The following UBE2E2 variants were observed in gnomAD, a reference collection of about 807,000 sequenced individuals.
UBE2E2 encodes ubiquitin-conjugating enzyme E2 E2.
UBE2E2 carries 6 observed loss-of-function variants against 24.7 expected under a neutral mutation model. The observed-to-expected ratio is 0.24, with a 90% CI of 0.13 to 0.48. The LOEUF (loss-of-function observed/expected upper bound fraction) is 0.48, where lower values mean the gene tolerates loss of function less well. Ranked by LOEUF, UBE2E2 falls within the 20% of genes least tolerant of loss-of-function variation. The probability of loss-of-function intolerance (pLI) is 0.99; values close to 1 mark genes in which losing one functional copy is unlikely to be tolerated. For missense variants in UBE2E2, 169 were observed against 245.0 expected (o/e 0.69, Z 2.07); for synonymous variants, 104 against 83.6 (o/e 1.24, Z -1.33).
intron 3 of UBE2E2, among the ~76,000 whole-genome samples, chr3:23,301,949 A>T (rs1699108230): frequency 6.9e-6 from 1 of 145,286 alleles, no homozygotes; most frequent in South Asian, 2.1e-4. Flanking sequence ...TTCCCAATGT[A>T]GTTCATTTCT....
intron 2 of UBE2E2, among the ~76,000 whole-genome samples, chr3:23,209,740 T>C (rs997330631): frequency 6.6e-6 from 1 of 152,176 alleles, no homozygotes; most frequent in Non-Finnish European, 1.5e-5. Flanking sequence ...AAAACCATTA[T>C]TTTGTTCTAG....
At chr3:23,276,872 A>G (rs933064438) in intron 3 of UBE2E2, among the ~76,000 whole-genome samples, 3 of 152,106 alleles carry the variant, frequency 2.0e-5, no homozygotes, top group Non-Finnish European at 2.9e-5. Flanking sequence ...GCAATTTTTC[A>G]TAGTATTAAT....
intron 4 of UBE2E2, among the ~76,000 whole-genome samples, chr3:23,511,939 A>G (rs556283802): frequency 2.0e-5 from 3 of 152,196 alleles, no homozygotes; most frequent in Non-Finnish European, 2.9e-5. Context: ...CTGCAGGGCA[A>G]TGGACTAAAT....
In UBE2E2 at chr3:23,369,353, CAT is replaced by C. The variant is rs967180550; in HGVS notation, c.228-130254_228-130253del. Among the ~76,000 whole-genome samples the C allele has an allele frequency of 9.2e-5, 14 of 152,214 alleles. No individual in the cohort carries two copies. In the South Asian group the frequency reaches 1.7e-3, roughly 18 times the overall value. On this transcript the variant is annotated intron_variant, in intron 3 of 5. Transcript: ENST00000396703. Reference sequence around the variant, plus strand: ...CATTTTTTTACTGTTTGTCCTCTAACATGTGTGATTAATAATACATTTCTCAT... The same window carrying C: ...CATTTTTTTACTGTTTGTCCTCTAACGTGTGATTAATAATACATTTCTCAT...
chr3:23,403,499 T>C (rs1697279620), intron 3 of UBE2E2, among the ~76,000 whole-genome samples: 1 of 152,212 alleles, frequency 6.6e-6, no homozygotes, highest in African/African-American at 2.4e-5. Context: ...ATCAGTGTTT[T>C]AAATCCTGAG....
intron 3 of UBE2E2, among the ~76,000 whole-genome samples, chr3:23,420,858 A>C (rs1559378823): frequency 6.6e-6 from 1 of 152,222 alleles, no homozygotes; most frequent in Non-Finnish European, 1.5e-5. Flanking sequence ...TAGGCCCACA[A>C]AACCCCTAAC....
chr3:23,337,743 A>G (rs1011842047), intron 3 of UBE2E2, among the ~76,000 whole-genome samples: 2 of 152,340 alleles, frequency 1.3e-5, no homozygotes, highest in Non-Finnish European at 2.9e-5. Flanking sequence ...TATAGGTGGA[A>G]TGTAGAGAAT....
intron 4 of UBE2E2, among the ~76,000 whole-genome samples, chr3:23,510,609 A>C (rs976063390): frequency 6.6e-6 from 1 of 152,158 alleles, no homozygotes; most frequent in African/African-American, 2.4e-5. Context: ...TGGGTCAAAA[A>C]AAAAAATAAG....
intron 3 of UBE2E2, among the ~76,000 whole-genome samples, chr3:23,424,624 A>G (rs1457672933): frequency 6.6e-6 from 1 of 152,160 alleles, no homozygotes; most frequent in Non-Finnish European, 1.5e-5. Flanking sequence ...TCATTTAAGA[A>G]TGAAAAAGCA....
At chr3:23,314,651 A>C (rs528377686) in intron 3 of UBE2E2, among the ~76,000 whole-genome samples, 1 of 152,326 alleles carries the variant, frequency 6.6e-6, no homozygotes, top group East Asian at 1.9e-4. Flanking sequence ...GTGTTGATGA[A>C]ATCCCTCAGC....
At chr3:23,573,258 G>A (rs1282207038) in intron 5 of UBE2E2, among the ~76,000 whole-genome samples, 1 of 152,128 alleles carries the variant, frequency 6.6e-6, no homozygotes, top group East Asian at 1.9e-4. Flanking sequence ...AAATATAGGA[G>A]AAAGTAAATA....
At chr3:23,414,500 C>T (rs909531226) in intron 3 of UBE2E2, among the ~76,000 whole-genome samples, 1 of 152,174 alleles carries the variant, frequency 6.6e-6, no homozygotes, top group South Asian at 2.1e-4. Context: ...CCAGGCCCCA[C>T]CTCCAACAAT....
chr3:23,576,416 T>C (rs969218991), intron 5 of UBE2E2, among the ~76,000 whole-genome samples: 1 of 152,064 alleles, frequency 6.6e-6, no homozygotes, highest in Non-Finnish European at 1.5e-5. Context: ...AAAATAATTA[T>C]GTTTAAAAAA....
chr3:23,363,912 A>G (rs573076617), intron 3 of UBE2E2, among the ~76,000 whole-genome samples: 173 of 152,056 alleles, frequency 1.1e-3, no homozygotes, highest in Non-Finnish European at 2.1e-3. Context: ...GATTCTCAGC[A>G]ACTTAAAAAA....
Position 23,476,608 on chromosome 3 carries a change from T to C in UBE2E2, c.228-23000T>C, listed in dbSNP as rs190132149. ...TATTCAAGAGGCTGAGGTGGGATGA[T>C]TGAGCCCAGATCAAGGCTGCAGTGA... On this transcript the variant is annotated intron_variant, in intron 3 of 5. Coordinates refer to ENST00000396703, the MANE Select transcript of UBE2E2 (RefSeq NM_152653.4). 9.6e-4 allele frequency among the ~76,000 whole-genome samples: 146 copies of C among 152,198 alleles called. 1 individual carries two copies. Among genetic ancestry groups the C allele is most frequent in the Admixed American group, 2.8e-3 (43 of 15,302 alleles).
chr3:23,290,337 C>T (rs1407220532), intron 3 of UBE2E2, among the ~76,000 whole-genome samples: 2 of 152,196 alleles, frequency 1.3e-5, no homozygotes, highest in African/African-American at 4.8e-5. Flanking sequence ...TAGTCTAGAT[C>T]ACTGTTTCTG....
Position 23,383,830 on chromosome 3 carries a change from A to ATT in UBE2E2, c.228-115770_228-115769dup, listed in dbSNP as rs576950550. On this transcript the variant is annotated intron_variant, in intron 3 of 5. Coordinates refer to ENST00000396703, the MANE Select transcript of UBE2E2 (RefSeq NM_152653.4). ...TATTCTTTGTTATTGTACCAATATG[A>ATT]TTTTTTTTTAGGCTGCTGAATAGGG... Among the ~76,000 whole-genome samples the ATT allele has an allele frequency of 3.4e-3, 510 of 149,804 alleles. 2 individuals carry two copies. The highest frequency in any genetic ancestry group is 0.011 in the African/African-American group (434 of 40,952).
chr3:23,206,520 G>A (rs903693615), intron 1 of UBE2E2, among the ~76,000 whole-genome samples: 2 of 152,170 alleles, frequency 1.3e-5, no homozygotes, highest in African/African-American at 2.4e-5. Flanking sequence ...TTTTCCGTTA[G>A]TATGTTTCAG....
intron 3 of UBE2E2, among the ~76,000 whole-genome samples, chr3:23,349,591 A>T (rs1159515998): frequency 6.6e-6 from 1 of 152,214 alleles, no homozygotes; most frequent in Non-Finnish European, 1.5e-5. Context: ...ATCCCACGCA[A>T]GGCTCGGAGG....
Sources: gnomAD v4.1 joint callset for allele counts (sites outside exome capture counted in the v4.1 genomes callset) on GRCh38, gnomAD v4.1.1 for gene constraint, MANE v1.5 for transcripts, NCBI Gene and HGNC (gene_info 2026-07-23, HGNC 2026-07-21) for gene names.